PSMA2: variants seen among roughly 807,000 people sequenced by gnomAD.
PSMA2 encodes the protein proteasome subunit alpha type-2.
PSMA2 carries 2 observed loss-of-function variants against 35.9 expected under a neutral mutation model. The ratio of observed to expected loss-of-function variants is 0.06; its 90% CI spans 0.02 to 0.18. PSMA2 has a LOEUF of 0.18. PSMA2 is among the 10% of genes least tolerant of loss of function. The pLI is 1.00. For synonymous variants in PSMA2, 97 were observed against 98.2 expected, an observed-to-expected ratio of 0.99 and a Z score of 0.07; for missense variants, 126 against 278.8, an observed-to-expected ratio of 0.45 and a Z score of 3.90.
At chr7:42,921,566 T>C (rs1002993238) in intron 6 of PSMA2, 7 of 239,584 alleles carry the variant, frequency 2.9e-5, no homozygotes, top group Non-Finnish European at 5.5e-5. Context: ...TTCTTTTTTT[T>C]CCCTCCTGAA....
rs576588191 is a variant in PSMA2 at position 42,927,350 on chromosome 7, C to T, written c.118+33G>A. 1.8e-5 allele frequency: 28 copies of T among 1,554,002 alleles called. No homozygotes were observed. The East Asian group carries it at 5.6e-4, about 31-fold the overall frequency. ...CCAAAATAATTAGGATAACTACTAACAGGCATCTGAAATGAATGAAGCATT... is the reference window on the plus strand; with the variant it reads ...CCAAAATAATTAGGATAACTACTAATAGGCATCTGAAATGAATGAAGCATT... On this transcript the variant is annotated intron_variant, in intron 2 of 7. Coordinates refer to ENST00000223321, the MANE Select transcript of PSMA2 (RefSeq NM_002787.5).
At chr7:42,930,289 T>A (rs1786281912) in intron 1 of PSMA2, among the ~76,000 whole-genome samples, 1 of 152,096 alleles carries the variant, frequency 6.6e-6, no homozygotes, top group South Asian at 2.1e-4. Flanking sequence ...ATATGGGGTA[T>A]CACTTTGTGA....
chr7:42,926,844 C>A (rs1040155719), intron 2 of PSMA2, among the ~76,000 whole-genome samples, 176 bp from the exon 3 acceptor site: 24 of 152,204 alleles, frequency 1.6e-4, no homozygotes, highest in African/African-American at 5.8e-4. Context: ...GTTTTTCCCT[C>A]ACTGGTCATT....
intron 6 of PSMA2, chr7:42,918,183 C>A (rs1056971479): frequency 2.5e-5 from 4 of 160,312 alleles, no homozygotes; most frequent in Non-Finnish European, 5.4e-5. Context: ...ACTACAGGCG[C>A]CCACTACGCC....
rs1457394398 is a variant in PSMA2 at position 42,916,926 on chromosome 7, T to C, written c.*648A>G. 6.6e-6 allele frequency: 1 copy of C among 152,198 alleles called. No individual in the cohort carries two copies. The highest frequency in any genetic ancestry group is 1.5e-5 in the Non-Finnish European group (1 of 68,020). 9.4% of individuals were successfully genotyped at this position (152,198 alleles called of 1,614,324 possible). ...TGCTCATCCTTGAGTTTAAAAAGTC[T>C]AACAAAATCTAAGAACCCGGGTTCC... On this transcript the variant is annotated 3_prime_UTR_variant, in exon 8 of 8. Coordinates refer to ENST00000223321, the MANE Select transcript of PSMA2 (RefSeq NM_002787.5).
At chr7:42,930,206 A>AAC (rs58987065) in intron 1 of PSMA2, among the ~76,000 whole-genome samples, 209 of 149,322 alleles carry the variant, frequency 1.4e-3, no homozygotes, top group African/African-American at 5.0e-3. Context: ...ACCATGTTAA[A>AAC]ACACACACAC....
In PSMA2 at chr7:42,921,940, G is replaced by T; in HGVS notation, c.457-9C>A. On this transcript the variant is annotated splice_polypyrimidine_tract_variant and intron_variant, in intron 5 of 7. Transcript: ENST00000223321. ...CAGGCAAAGTAAGCTCCCTAATCAG[G>T]AAAGAAAGAGTAAAAAACCATATTT... 6.2e-7 allele frequency: 1 copy of T among 1,602,824 alleles called. No individual in the cohort carries two copies.
intron 1 of PSMA2, among the ~76,000 whole-genome samples, chr7:42,930,206 AAC>A (rs58987065): frequency 0.85 from 126,474 of 149,220 alleles, 53,371 homozygotes; most frequent in South Asian, 0.91. Context: ...ACCATGTTAA[AAC>A]ACACACACAC....
intron 1 of PSMA2, among the ~76,000 whole-genome samples, chr7:42,930,424 T>C (rs912507127): frequency 5.3e-5 from 8 of 152,010 alleles, no homozygotes; most frequent in African/African-American, 1.9e-4. Context: ...GCTAATTTTT[T>C]AATTTTTTTC....
intron 5 of PSMA2, 69 bp downstream of exon 5, chr7:42,923,256 C>T: frequency 2.5e-6 from 3 of 1,187,522 alleles, no homozygotes; most frequent in South Asian, 1.3e-5. Context: ...GTTTTTATGG[C>T]TTCTATTTCT....
intron 1 of PSMA2, among the ~76,000 whole-genome samples, chr7:42,931,893 AC>A (rs1786319668): frequency 1.6e-5 from 1 of 60,640 alleles, no homozygotes; most frequent in African/African-American, 5.3e-5. Context: ...CCCCATGTTA[AC>A]CCCGCAAAAC....
At chr7:42,927,592 C>G in intron 1 of PSMA2, 133 bp from the exon 2 acceptor site, 1 of 812,260 alleles carries the variant, frequency 1.2e-6, no homozygotes. Context: ...CCTTTGACCT[C>G]TATCATGAAG....
intron 6 of PSMA2, chr7:42,919,593 T>C (rs1786091848): frequency 1.9e-6 from 1 of 538,222 alleles, no homozygotes. Context: ...TAAATTTTAT[T>C]ATGTTGGCTA....
chr7:42,927,906 C>CAAA lies in PSMA2; in HGVS notation c.42-450_42-448dup, dbSNP rs10625370. On this transcript the variant is annotated intron_variant, in intron 1 of 7. Coordinates refer to ENST00000223321, the MANE Select transcript of PSMA2 (RefSeq NM_002787.5). Reference sequence around the variant, plus strand: ...GGGCAACAAGGCCGAAACCTCGTCTCAAAAAAAAAAAGAGAAAGACAGAAA... The same window carrying CAAA: ...GGGCAACAAGGCCGAAACCTCGTCTCAAAAAAAAAAAAAAGAGAAAGACAGAAA... Among the ~76,000 whole-genome samples the CAAA allele has an allele frequency of 2.3e-3, 344 of 147,470 alleles. 1 individual carries two copies. Among genetic ancestry groups the CAAA allele is most frequent in the East Asian group, 0.01 (52 of 5,072 alleles).
intron 3 of PSMA2, among the ~76,000 whole-genome samples, chr7:42,925,712 T>C (rs1268100553): frequency 3.3e-5 from 5 of 152,224 alleles, no homozygotes; most frequent in East Asian, 1.9e-4. Flanking sequence ...ATCTGAAATA[T>C]GCACATTTTC....
Position 42,924,662 on chromosome 7 carries a change from A to T in PSMA2, c.374+13T>A. On this transcript the variant is annotated intron_variant, in intron 4 of 7. Transcript: ENST00000223321. ...CAATTCATGGCACATTTCAAGTAAA[A>T]AAAGCAACTTACCCTGACTGAGTAT... The T allele has an allele frequency of 6.2e-7, 1 of 1,604,842 alleles. No individual in the cohort carries two copies.
At position 42,928,098 on chromosome 7, in the gene PSMA2, C is replaced by T. The variant is rs893306258; in HGVS notation, c.42-639G>A. 3.3e-5 allele frequency among the ~76,000 whole-genome samples: 5 copies of T among 152,244 alleles called. No homozygotes were observed. In the South Asian group the frequency reaches 8.3e-4, roughly 25 times the overall value. ...CACCTGTAAAATGAGGACACAGTAA[C>T]CACAACTGGTTTTCCGTATCAGTGG... On this transcript the variant is annotated intron_variant, in intron 1 of 7. Coordinates refer to ENST00000223321, the MANE Select transcript of PSMA2 (RefSeq NM_002787.5).
chr7:42,926,546 G>A lies in PSMA2; in HGVS notation c.241C>T (p.Pro81Ser), dbSNP rs766018498. 1.3e-6 allele frequency: 2 copies of A among 1,585,542 alleles called. No individual in the cohort carries two copies. The highest frequency in any genetic ancestry group is 1.7e-6 in the Non-Finnish European group (2 of 1,170,442). The change falls in exon 3 of 8, where the codon CCC becomes TCC. Residue 81 changes from proline to serine, a missense_variant. Physicochemically the swap from Pro to Ser is moderately conservative, Grantham distance 74. Transcript: ENST00000223321. ...AAAAGTATAAAGTACCTGTAATCGG[G>A]GCCCATGCCACTGTACACCAAACCT... is the stretch of plus-strand genomic sequence containing the variant. ...HIGLVYSGMG[P>S]DYRVLVHRAR...
At chr7:42,922,319 AAT>A (rs1786139046) in intron 5 of PSMA2, among the ~76,000 whole-genome samples, 1 of 152,192 alleles carries the variant, frequency 6.6e-6, no homozygotes, top group African/African-American at 2.4e-5. Flanking sequence ...ATTTTAGTTT[AAT>A]AGACTGAAGC....
Sources: gnomAD v4.1 joint callset for allele counts (sites outside exome capture counted in the v4.1 genomes callset) on GRCh38, gnomAD v4.1.1 for gene constraint, MANE v1.5 for transcripts, NCBI Gene and HGNC (gene_info 2026-07-23, HGNC 2026-07-21) for gene names.